ZNF2: variants seen among roughly 807,000 people sequenced by gnomAD.
ZNF2 encodes the protein zinc finger protein 2, also known as zinc finger protein 2.2.
Under a neutral mutation model 21.9 loss-of-function variants are expected in ZNF2, and 12 were observed. The ratio of observed to expected loss-of-function variants is 0.55; its 90% CI spans 0.35 to 0.89. ZNF2 has a LOEUF of 0.89. Among genes scored for constraint, ZNF2 ranks in the 40% least tolerant of loss-of-function variants. ZNF2 has a pLI of 0.01. For synonymous variants in ZNF2, 186 were observed against 196.3 expected (o/e 0.95, Z 0.44); for missense variants, 462 against 544.2 (o/e 0.85, Z 1.50).
Position 95,182,242 on chromosome 2 carries a change from T to A in ZNF2, c.*136T>A. On this transcript the variant is annotated 3_prime_UTR_variant, in exon 5 of 5. Transcript: ENST00000614034. ...TGTCCTGCTTCTGCGCCAGAGTGTTTAATAAGCACTCCCTTCCTGCTGTGT... is the reference window on the plus strand; with the variant it reads ...TGTCCTGCTTCTGCGCCAGAGTGTTAAATAAGCACTCCCTTCCTGCTGTGT... 1.9e-6 allele frequency: 2 copies of A among 1,070,540 alleles called. No homozygotes were observed. The highest frequency in any genetic ancestry group is 2.7e-6 in the Non-Finnish European group (2 of 754,688). The allele number at this position is 1,070,540 out of a possible 1,614,324, so 66.3% of individuals were successfully genotyped here.
chr2:95,177,405 T>G, intron 2 of ZNF2, 78 bp from the exon 3 acceptor site: 1 of 1,545,894 alleles, frequency 6.5e-7, no homozygotes, highest in Non-Finnish European at 8.8e-7. Context: ...CCTCCAGGGC[T>G]GTCATCTTTG....
At chr2:95,180,763 G>A (rs1346394089) in intron 4 of ZNF2, among the ~76,000 whole-genome samples, 1 of 152,132 alleles carries the variant, frequency 6.6e-6, no homozygotes, top group African/African-American at 2.4e-5. Flanking sequence ...GCCCACCTTG[G>A]CCTCCCAAAG....
chr2:95,176,216 C>T lies in ZNF2; in HGVS notation c.-11C>T, dbSNP rs368162446. 24 of 1,614,050 alleles carry T rather than the reference C, an allele frequency of 1.5e-5. No homozygotes were observed. The highest frequency in any genetic ancestry group is 1.5e-4 in the African/African-American group (11 of 74,912). On this transcript the variant is annotated 5_prime_UTR_variant, in exon 2 of 5. Coordinates refer to ENST00000614034, the MANE Select transcript of ZNF2 (RefSeq NM_021088.4). The stretch of plus-strand genomic sequence containing the variant: ...TCTGCCCTTGTCCACAAGGAGAGCA[C>T]ACAGGAGAGAATGGCTGCTGTGTCT...
rs1453180874 is a variant in ZNF2 at position 95,181,751 on chromosome 2, C to G, written c.923C>G (p.Thr308Ser). 1 of 1,614,242 alleles carries G rather than the reference C, an allele frequency of 6.2e-7. No homozygotes were observed. Among genetic ancestry groups the G allele is most frequent in the South Asian group, 1.1e-5 (1 of 91,088 alleles). ...SILTRHQLIH[T>S]GRKPYECNEC... ...CTTACTCGCCATCAGCTAATCCACA[C>G]TGGCAGGAAGCCTTATGAGTGTAAC... is the stretch of plus-strand genomic sequence containing the variant. The change falls in exon 5 of 5, where the codon ACT (threonine) becomes AGT (serine). Residue 308 changes from threonine to serine, a missense_variant. Physicochemically the swap from Thr to Ser is moderately conservative, Grantham distance 58 (BLOSUM62 1). Coordinates refer to ENST00000614034, the MANE Select transcript of ZNF2 (RefSeq NM_021088.4).
chr2:95,174,045 AC>A (rs1674364495), intron 1 of ZNF2, among the ~76,000 whole-genome samples: 1 of 152,188 alleles, frequency 6.6e-6, no homozygotes, highest in Non-Finnish European at 1.5e-5. Context: ...ATATGTATGG[AC>A]TGGGCCATAA....
chr2:95,182,828 G>C lies in ZNF2; in HGVS notation c.*722G>C, dbSNP rs1198624177. On this transcript the variant is annotated 3_prime_UTR_variant, in exon 5 of 5. Coordinates refer to ENST00000614034, the MANE Select transcript of ZNF2 (RefSeq NM_021088.4). ...ATCTATTCTCTTTACCATTATGCTC[G>C]ATGGTTTGTTTGTTTTATAATTTAT... 1.3e-5 allele frequency: 2 copies of C among 152,370 alleles called. No homozygotes were observed. The highest frequency in any genetic ancestry group is 6.5e-5 in the Admixed American group (1 of 15,276). 9.4% of individuals were successfully genotyped at this position (152,370 alleles called of 1,614,324 possible). A position where few individuals can be genotyped will look rare whatever the true frequency, so the allele number is the denominator to read the frequency against.
intron 1 of ZNF2, among the ~76,000 whole-genome samples, chr2:95,166,998 T>C (rs1264959420): frequency 6.6e-6 from 1 of 152,156 alleles, no homozygotes; most frequent in Non-Finnish European, 1.5e-5. Context: ...GCCCTGAATG[T>C]GGATGGACTT....
Position 95,181,958 on chromosome 2 carries a change from C to T in ZNF2, c.1130C>T (p.Ala377Val). 1 of 1,614,278 alleles carries T rather than the reference C, an allele frequency of 6.2e-7. No individual in the cohort carries two copies. Among genetic ancestry groups the T allele is most frequent in the Non-Finnish European group, 8.5e-7 (1 of 1,180,050 alleles). ...TATGAATGCAGCGAATGCGGGAAAGCCTTTAGCCAGCGGTGCCGGCTCACG... is the reference window on the plus strand; with the variant it reads ...TATGAATGCAGCGAATGCGGGAAAGTCTTTAGCCAGCGGTGCCGGCTCACG... ...KPYECSECGK[A>V]FSQRCRLTRH... Residue 377 changes from alanine (A) to valine (V), a missense_variant, in exon 5 of 5, where the codon GCC becomes GTC. Coordinates refer to ENST00000614034, the MANE Select transcript of ZNF2 (RefSeq NM_021088.4).
chr2:95,167,517 A>AG (rs1674116470), intron 1 of ZNF2, among the ~76,000 whole-genome samples: 1 of 151,272 alleles, frequency 6.6e-6, no homozygotes, highest in African/African-American at 2.4e-5. Context: ...AAAAAAAAAA[A>AG]AAAAAAAAAG....
rs1674745366 is a variant in ZNF2 at position 95,183,295 on chromosome 2, C to G, written c.*1189C>G. On this transcript the variant is annotated 3_prime_UTR_variant, in exon 5 of 5. Coordinates refer to ENST00000614034, the MANE Select transcript of ZNF2 (RefSeq NM_021088.4). ...GCTAGAGGAATTTGTAGGATATTTT[C>G]TTAGACCCAGGCTTACATCACTTCT... 6.6e-6 allele frequency: 1 copy of G among 152,210 alleles called. No homozygotes were observed. Among genetic ancestry groups the G allele is most frequent in the Admixed American group, 6.6e-5 (1 of 15,266 alleles). 9.4% of individuals were successfully genotyped at this position (152,210 alleles called of 1,614,324 possible).
intron 4 of ZNF2, 75 bp downstream of exon 4, chr2:95,180,347 G>C: frequency 1.1e-6 from 1 of 927,594 alleles, no homozygotes; most frequent in Non-Finnish European, 1.7e-6. Context: ...GAAATAACAG[G>C]TATCATCTTT....
intron 1 of ZNF2, among the ~76,000 whole-genome samples, chr2:95,168,589 T>G (rs1307983474): frequency 6.6e-6 from 1 of 152,224 alleles, no homozygotes; most frequent in Non-Finnish European, 1.5e-5. Flanking sequence ...ACATAACAGC[T>G]ACTTGGTACA....
chr2:95,182,931 C>T lies in ZNF2; in HGVS notation c.*825C>T, dbSNP rs1674730897. The T allele has an allele frequency of 6.6e-6, 1 of 152,202 alleles. No homozygotes were observed. The highest frequency in any genetic ancestry group is 1.5e-5 in the Non-Finnish European group (1 of 68,050). The allele number at this position is 152,202 out of a possible 1,614,324, so 9.4% of individuals were successfully genotyped here. The stretch of plus-strand genomic sequence containing the variant: ...CAGGTCTTTGTATCTCACACAGTGC[C>T]TTGCTAATAGGTGCTCAATAAATAT... On this transcript the variant is annotated 3_prime_UTR_variant, in exon 5 of 5. Transcript: ENST00000614034.
chr2:95,176,287 T>C, intron 2 of ZNF2, 28 bp downstream of exon 2: 1 of 1,614,116 alleles, frequency 6.2e-7, no homozygotes, highest in Non-Finnish European at 8.5e-7. Context: ...GTTCCCGAAA[T>C]ACTCCATTCA....
rs1674686435 is a variant in ZNF2, at chr2:95,181,956, A to G, written c.1128A>G (p.Lys376=). 1 of 1,614,172 alleles carries G rather than the reference A, an allele frequency of 6.2e-7. No individual in the cohort carries two copies. The highest frequency in any genetic ancestry group is 8.5e-7 in the Non-Finnish European group (1 of 1,180,064). ...DKPYECSECG[K]AFSQRCRLTR... ...CATATGAATGCAGCGAATGCGGGAAAGCCTTTAGCCAGCGGTGCCGGCTCA... is the reference window on the plus strand; with the variant it reads ...CATATGAATGCAGCGAATGCGGGAAGGCCTTTAGCCAGCGGTGCCGGCTCA... Residue 376 remains lysine (K), a synonymous_variant, in exon 5 of 5, where the codon AAA becomes AAG. Coordinates refer to ENST00000614034, the MANE Select transcript of ZNF2 (RefSeq NM_021088.4).
intron 3 of ZNF2, among the ~76,000 whole-genome samples, chr2:95,178,420 T>A (rs1001646757): frequency 6.6e-6 from 1 of 152,154 alleles, no homozygotes; most frequent in Non-Finnish European, 1.5e-5. Context: ...CCAAACAGAA[T>A]GGAATATTCA....
At chr2:95,172,445 A>G (rs1674307678) in intron 1 of ZNF2, among the ~76,000 whole-genome samples, 1 of 152,134 alleles carries the variant, frequency 6.6e-6, no homozygotes, top group Non-Finnish European at 1.5e-5. Flanking sequence ...TTTTCTGTAC[A>G]CCAAAATAAG....
rs1406719688 is a variant in ZNF2 at position 95,166,020 on chromosome 2, A to G, written c.-40+160A>G. ...TCGCGACGTCTCGGTGCGGACGGAA[A>G]GTTGTGCATCCACCCCCGTGTGTGC... On this transcript the variant is annotated intron_variant, in intron 1 of 4. Coordinates refer to ENST00000614034, the MANE Select transcript of ZNF2 (RefSeq NM_021088.4). Among the ~76,000 whole-genome samples the G allele has an allele frequency of 2.6e-5, 4 of 152,114 alleles. No individual in the cohort carries two copies. The East Asian group carries it at 5.8e-4, about 22-fold the overall frequency.
At chr2:95,169,063 G>A (rs1674185438) in intron 1 of ZNF2, among the ~76,000 whole-genome samples, 1 of 152,216 alleles carries the variant, frequency 6.6e-6, no homozygotes, top group Admixed American at 6.5e-5. Context: ...AGTGGAGGTG[G>A]TTCTTGGCTA....
Sources: gnomAD v4.1 joint callset for allele counts (sites outside exome capture counted in the v4.1 genomes callset) on GRCh38, gnomAD v4.1.1 for gene constraint, MANE v1.5 for transcripts, NCBI Gene and HGNC (gene_info 2026-07-23, HGNC 2026-07-21) for gene names.